Variants in DCAF6 observed in about 807,000 individuals in gnomAD.
The protein encoded by DCAF6 is DDB1 and CUL4 associated factor 6.
Under a neutral mutation model 125.1 loss-of-function variants are expected in DCAF6, and 54 were observed. The observed-to-expected ratio is 0.43, with a 90% CI of 0.35 to 0.54. The LOEUF is 0.54. DCAF6 is among the 20% of genes least tolerant of loss of function. DCAF6 has a pLI of 0.01. For synonymous variants in DCAF6, 371 were observed against 390.4 expected, an observed-to-expected ratio of 0.95 and a Z score of 0.58; for missense variants, 934 against 1,161.7, an observed-to-expected ratio of 0.80 and a Z score of 2.85.
chr1:168,001,285 C>G (rs551400311), intron 7 of DCAF6, among the ~76,000 whole-genome samples: 2 of 151,916 alleles, frequency 1.3e-5, no homozygotes, highest in African/African-American at 2.4e-5. Context: ...GTGTGAGACC[C>G]TGCCTGGAAA....
chr1:167,895,907 T>G, the DCAF6 span, among the ~76,000 whole-genome samples: 6 of 152,270 alleles, frequency 3.9e-5, no homozygotes, highest in East Asian at 1.9e-4. Context: ...GAAAGGAAAC[T>G]AAGCAAAGAG....
chr1:168,034,071 T>A (rs1687493619), intron 12 of DCAF6, among the ~76,000 whole-genome samples: 1 of 152,248 alleles, frequency 6.6e-6, no homozygotes, highest in Non-Finnish European at 1.5e-5. Context: ...CAGTTATTAA[T>A]GTTGTTGATA....
the DCAF6 span, among the ~76,000 whole-genome samples, chr1:167,915,063 T>C: frequency 6.6e-6 from 1 of 152,232 alleles, no homozygotes; most frequent in Non-Finnish European, 1.5e-5. Context: ...TCTGCTTCAT[T>C]ATATAAACAG....
chr1:168,044,013 T>A (rs1033268133), intron 14 of DCAF6, among the ~76,000 whole-genome samples: 2 of 152,118 alleles, frequency 1.3e-5, no homozygotes, highest in Non-Finnish European at 2.9e-5. Flanking sequence ...TAAGGGATAG[T>A]CTAAAGCAGA....
At chr1:167,991,567 C>G (rs915565781) in intron 6 of DCAF6, among the ~76,000 whole-genome samples, 1 of 152,196 alleles carries the variant, frequency 6.6e-6, no homozygotes, top group Non-Finnish European at 1.5e-5. Flanking sequence ...TTTGGCAGGA[C>G]TGCCATAACA....
At chr1:168,018,830 G>T (rs1315957035) in intron 11 of DCAF6, among the ~76,000 whole-genome samples, 1 of 151,988 alleles carries the variant, frequency 6.6e-6, no homozygotes, top group African/African-American at 2.4e-5. Context: ...CAGTGCCTGG[G>T]AATTAGATTG....
intron 1 of DCAF6, among the ~76,000 whole-genome samples, chr1:167,948,915 G>C (rs1673501363): frequency 6.6e-6 from 1 of 152,160 alleles, no homozygotes; most frequent in South Asian, 2.1e-4. Context: ...GCCTCCCAAA[G>C]TACTGGGATT....
the DCAF6 span, among the ~76,000 whole-genome samples, chr1:167,868,782 T>C: frequency 9.2e-5 from 14 of 152,166 alleles, no homozygotes; most frequent in Non-Finnish European, 1.9e-4. Context: ...CCTAAAAAAT[T>C]ATACAATACT....
intron 1 of DCAF6, among the ~76,000 whole-genome samples, chr1:167,937,474 T>G (rs1201684712): frequency 6.6e-6 from 1 of 152,174 alleles, no homozygotes; most frequent in Admixed American, 6.5e-5. Flanking sequence ...CTCAGGGACT[T>G]CACGCTCCAG....
At chr1:167,876,402 G>A in the DCAF6 span, among the ~76,000 whole-genome samples, 1 of 152,094 alleles carries the variant, frequency 6.6e-6, no homozygotes, top group Non-Finnish European at 1.5e-5. Flanking sequence ...GGGTGCATAT[G>A]TTTGCTCACT....
intron 7 of DCAF6, among the ~76,000 whole-genome samples, chr1:168,000,078 T>C (rs1682355765): frequency 6.6e-6 from 1 of 152,124 alleles, no homozygotes; most frequent in Admixed American, 6.6e-5. Flanking sequence ...ATTGTAGGGT[T>C]ATTAACTGGC....
intron 17 of DCAF6, among the ~76,000 whole-genome samples, chr1:168,051,879 CT>C (rs775517869): frequency 2.3e-3 from 324 of 141,638 alleles, no homozygotes; most frequent in Middle Eastern, 3.6e-3. Context: ...TTATCACTTT[CT>C]TTTTTTTTTT....
chr1:167,873,573 ATCT>A, the DCAF6 span, among the ~76,000 whole-genome samples: 18 of 152,280 alleles, frequency 1.2e-4, no homozygotes, highest in Non-Finnish European at 2.5e-4. Context: ...CCACAGGTCA[ATCT>A]TCTTTGGGTC....
At chr1:168,065,317 G>GTTT (rs879159960) in intron 18 of DCAF6, among the ~76,000 whole-genome samples, 1 of 146,008 alleles carries the variant, frequency 6.8e-6, no homozygotes. Context: ...ATTTTTGTCA[G>GTTT]TTTTTTTTTT....
At chr1:167,969,151 A>T (rs928097717) in intron 3 of DCAF6, 1 of 151,994 alleles carries the variant, frequency 6.6e-6, no homozygotes, top group African/African-American at 2.4e-5. Context: ...TAATATTAAT[A>T]TTTTATATTT....
At chr1:168,027,706 A>AT (rs751467799) in intron 12 of DCAF6, among the ~76,000 whole-genome samples, 3 of 152,030 alleles carry the variant, frequency 2.0e-5, no homozygotes, top group Non-Finnish European at 4.4e-5. Context: ...TTACTAATAA[A>AT]TTTTTTTAAA....
chr1:168,005,374 G>C (rs1035522412), intron 10 of DCAF6, among the ~76,000 whole-genome samples: 1 of 151,774 alleles, frequency 6.6e-6, no homozygotes, highest in African/African-American at 2.4e-5. Flanking sequence ...TAACCTCTAC[G>C]TTCTGTTAAA....
intron 12 of DCAF6, among the ~76,000 whole-genome samples, chr1:168,032,164 TAATA>T (rs1365539007): frequency 1.3e-5 from 2 of 152,252 alleles, no homozygotes; most frequent in Non-Finnish European, 1.5e-5. Context: ...ATGGACTTCC[TAATA>T]AATATCTGTA....
At chr1:167,936,600 G>T, upstream of DCAF6, 1 of 343,188 alleles carries the variant, frequency 2.9e-6, no homozygotes. Context: ...TCCAGGACGA[G>T]GAGAGGGAGG....
Sources: allele counts gnomAD v4.1 joint callset (sites outside exome capture counted in the v4.1 genomes callset), GRCh38; gene constraint gnomAD v4.1.1; transcripts MANE v1.5; gene names NCBI Gene and HGNC (gene_info 2026-07-23, HGNC 2026-07-21).